The following RSRC1 variants were observed in gnomAD, a reference collection of about 807,000 sequenced individuals.
RSRC1 encodes arginine and serine rich coiled-coil 1, also known as serine/Arginine-related protein 53.
Under a neutral mutation model 49.1 loss-of-function variants are expected in RSRC1, and 39 were observed. That is an observed-to-expected ratio of 0.79 (90% confidence interval 0.61 to 1.04). RSRC1 has a LOEUF of 1.04. Ranked by LOEUF, RSRC1 falls within the 50% of genes least tolerant of loss-of-function variation. RSRC1 has a pLI of 0.00. For synonymous variants in RSRC1, 143 were observed against 130.8 expected (o/e 1.09, Z -0.63); for missense variants, 388 against 402.4 (o/e 0.96, Z 0.31).
chr3:158,398,646 A>G (rs527628805), intron 6 of RSRC1, among the ~76,000 whole-genome samples: 56 of 152,280 alleles, frequency 3.7e-4, no homozygotes, highest in Non-Finnish European at 4.7e-4. Context: ...CAAAGGATGG[A>G]TTATAAAATG....
At chr3:158,491,170 GTCTACT>G in intron 7 of RSRC1, among the ~76,000 whole-genome samples, 1 of 152,082 alleles carries the variant, frequency 6.6e-6, no homozygotes, top group Non-Finnish European at 1.5e-5. Flanking sequence ...ATTTCCTCTT[GTCTACT>G]AGGAAATAGC....
intron 1 of RSRC1, among the ~76,000 whole-genome samples, chr3:158,119,085 C>T (rs552850204): frequency 1.3e-5 from 2 of 152,190 alleles, no homozygotes; most frequent in African/African-American, 2.4e-5. Flanking sequence ...TAAACGTTCT[C>T]TCCTCTGAGG....
At chr3:158,329,243 A>G (rs1277214256) in intron 5 of RSRC1, among the ~76,000 whole-genome samples, 1 of 152,210 alleles carries the variant, frequency 6.6e-6, no homozygotes, top group Admixed American at 6.5e-5. Flanking sequence ...AACTCGTCAA[A>G]GTCATTCTGC....
intron 6 of RSRC1, among the ~76,000 whole-genome samples, chr3:158,369,848 T>A (rs1481781820): frequency 6.6e-6 from 1 of 152,072 alleles, no homozygotes; most frequent in African/African-American, 2.4e-5. Context: ...TTCAATTGAG[T>A]TATACATTAA....
rs117959023 is a variant in RSRC1, at chr3:158,213,593, G to C, written c.494+10348G>C. ...GGGAAATACAACAATGAGTACTGCT[G>C]TTTTAATTCTCTCTGAACTCCTGCA... On this transcript the variant is annotated intron_variant, in intron 4 of 9. Coordinates refer to ENST00000611884, the MANE Select transcript of RSRC1 (RefSeq NM_001271838.2). Among the ~76,000 whole-genome samples the C allele has an allele frequency of 8.2e-4, 124 of 151,998 alleles. No homozygotes were observed. The East Asian group carries it at 0.022, about 27-fold the overall frequency.
At chr3:158,158,507 A>T (rs1054637041) in intron 3 of RSRC1, among the ~76,000 whole-genome samples, 5 of 152,074 alleles carry the variant, frequency 3.3e-5, no homozygotes, top group African/African-American at 1.2e-4. Flanking sequence ...TTCTGCCACA[A>T]TTTTTTTCTC....
At chr3:158,445,762 A>G (rs1284865607) in intron 6 of RSRC1, among the ~76,000 whole-genome samples, 2 of 152,148 alleles carry the variant, frequency 1.3e-5, no homozygotes, top group Admixed American at 6.6e-5. Flanking sequence ...CAGGCCAATG[A>G]TTATTAATAG....
At chr3:158,198,588 C>T (rs844141) in intron 3 of RSRC1, among the ~76,000 whole-genome samples, 99,728 of 151,948 alleles carry the variant, frequency 0.66, 32,976 homozygotes, top group East Asian at 0.84. Context: ...CTAGCCTCGA[C>T]GGTCTTTACA....
At chr3:158,272,304 A>T (rs1157493041) in intron 4 of RSRC1, among the ~76,000 whole-genome samples, 1 of 152,064 alleles carries the variant, frequency 6.6e-6, no homozygotes, top group Non-Finnish European at 1.5e-5. Context: ...ATTGAAAGTG[A>T]TTATCTTGTT....
chr3:158,339,285 C>G (rs922920235), intron 5 of RSRC1, among the ~76,000 whole-genome samples: 4 of 117,800 alleles, frequency 3.4e-5, no homozygotes, highest in Admixed American at 1.2e-4. Context: ...GGCGACAGAG[C>G]GAGACTCCGT....
intron 7 of RSRC1, among the ~76,000 whole-genome samples, chr3:158,506,705 A>G (rs937429895): frequency 6.6e-6 from 1 of 151,760 alleles, no homozygotes; most frequent in Admixed American, 6.6e-5. Flanking sequence ...ACAAAAGGAA[A>G]CCCACATACA....
chr3:158,195,640 T>G (rs988002975), intron 3 of RSRC1, among the ~76,000 whole-genome samples: 2 of 152,192 alleles, frequency 1.3e-5, no homozygotes, highest in African/African-American at 4.8e-5. Context: ...GGTCTAAGAT[T>G]TAAGTCTATA....
At chr3:158,118,260 A>AT (rs1273358516) in intron 1 of RSRC1, among the ~76,000 whole-genome samples, 1 of 151,858 alleles carries the variant, frequency 6.6e-6, no homozygotes, top group Non-Finnish European at 1.5e-5. Context: ...TTAATTTTAA[A>AT]TTTTTTTAGA....
intron 7 of RSRC1, among the ~76,000 whole-genome samples, chr3:158,489,385 A>C (rs1464838160): frequency 6.6e-6 from 1 of 152,220 alleles, no homozygotes; most frequent in African/African-American, 2.4e-5. Context: ...AGGCTGGCTC[A>C]ACCACCTGGT....
intron 4 of RSRC1, among the ~76,000 whole-genome samples, chr3:158,214,495 A>G (rs1400822082): frequency 1.3e-5 from 2 of 150,818 alleles, no homozygotes; most frequent in African/African-American, 2.4e-5. Context: ...ATGTTTTTCT[A>G]GTTCCTTAAG....
chr3:158,284,121 C>T (rs1158542284), intron 4 of RSRC1, among the ~76,000 whole-genome samples: 3 of 150,636 alleles, frequency 2.0e-5, no homozygotes, highest in African/African-American at 7.3e-5. Context: ...CAATTCCCAC[C>T]TATGAGTGAG....
At chr3:158,304,823 C>T (rs1285181060) in intron 5 of RSRC1, among the ~76,000 whole-genome samples, 1 of 152,138 alleles carries the variant, frequency 6.6e-6, no homozygotes, top group African/African-American at 2.4e-5. Context: ...TGAAGTTTTT[C>T]TTCTTTCTAC....
chr3:158,131,337 A>T (rs548299709), intron 3 of RSRC1, among the ~76,000 whole-genome samples: 1 of 152,056 alleles, frequency 6.6e-6, no homozygotes, highest in Admixed American at 6.6e-5. Flanking sequence ...TGGGATGATT[A>T]TGGTTTATTT....
intron 5 of RSRC1, among the ~76,000 whole-genome samples, chr3:158,302,489 C>T (rs1489956429): frequency 3.3e-5 from 5 of 149,970 alleles, no homozygotes; most frequent in African/African-American, 4.9e-5. Flanking sequence ...ATAATGACCC[C>T]GGGGTTATGT....
Sources: allele counts gnomAD v4.1 joint callset (sites outside exome capture counted in the v4.1 genomes callset), GRCh38; gene constraint gnomAD v4.1.1; transcripts MANE v1.5; gene names NCBI Gene and HGNC (gene_info 2026-07-23, HGNC 2026-07-21).